Variants in SRBD1 observed in about 807,000 individuals in gnomAD.
SRBD1 encodes the protein S1 RNA-binding domain-containing protein 1.
SRBD1 carries 88 observed loss-of-function variants against 115.3 expected under a neutral mutation model. That is an observed-to-expected ratio of 0.76 (90% CI 0.64 to 0.91). The LOEUF (loss-of-function observed/expected upper bound fraction) is 0.91. Among genes scored for constraint, SRBD1 ranks in the 40% least tolerant of loss-of-function variants. The pLI is 0.00. For synonymous variants in SRBD1, 509 were observed against 407.7 expected (o/e 1.25, Z -2.99); for missense variants, 1,385 against 1,177.4 (o/e 1.18, Z -2.58).
chr2:45,522,832 A>G (rs1671327214), intron 14 of SRBD1, among the ~76,000 whole-genome samples: 1 of 152,220 alleles, frequency 6.6e-6, no homozygotes. Context: ...TACAAGACGT[A>G]TAACATACAG....
intron 16 of SRBD1, among the ~76,000 whole-genome samples, chr2:45,436,587 C>T (rs1229140941): frequency 3.3e-5 from 5 of 152,166 alleles, no homozygotes; most frequent in Non-Finnish European, 4.4e-5. Context: ...GGGAAGCAGG[C>T]ATGACTTACA....
intron 17 of SRBD1, among the ~76,000 whole-genome samples, chr2:45,419,414 A>G (rs1255437011): frequency 6.6e-6 from 1 of 152,214 alleles, no homozygotes; most frequent in Non-Finnish European, 1.5e-5. Context: ...CTCAGAATTT[A>G]TCTTTTGGTT....
At chr2:45,599,116 G>C (rs1225221620) in intron 4 of SRBD1, among the ~76,000 whole-genome samples, 2 of 152,128 alleles carry the variant, frequency 1.3e-5, no homozygotes, top group Non-Finnish European at 2.9e-5. Context: ...GCTTTTATAG[G>C]AAAATACAGT....
At chr2:45,441,122 T>C (rs1018404231) in intron 16 of SRBD1, among the ~76,000 whole-genome samples, 3 of 152,278 alleles carry the variant, frequency 2.0e-5, no homozygotes, top group African/African-American at 7.2e-5. Flanking sequence ...CAGTAAACCT[T>C]TCAAATTAGA....
chr2:45,556,448 CTTTTTTTTTTTTTTT>C (rs59284495), intron 10 of SRBD1, among the ~76,000 whole-genome samples: 11 of 78,822 alleles, frequency 1.4e-4, no homozygotes, highest in African/African-American at 5.9e-4. Context: ...TGCTCTATTA[CTTTTTTTTTTTTTTT>C]TTTTTTTTTT....
chr2:45,539,473 C>A (rs374946610), intron 14 of SRBD1, among the ~76,000 whole-genome samples: 2 of 152,212 alleles, frequency 1.3e-5, no homozygotes, highest in East Asian at 1.9e-4. Context: ...TTAGGTTAAA[C>A]CCTCAGTGTA....
chr2:45,559,061 G>C (rs947851069), intron 10 of SRBD1, among the ~76,000 whole-genome samples: 8 of 152,086 alleles, frequency 5.3e-5, no homozygotes, highest in South Asian at 2.1e-4. Context: ...CATTTAATCA[G>C]ATACCTTGTC....
chr2:45,501,885 A>C (rs1160131831), intron 14 of SRBD1, among the ~76,000 whole-genome samples: 4 of 152,188 alleles, frequency 2.6e-5, no homozygotes, highest in Admixed American at 2.6e-4. Flanking sequence ...CAAACAAAAG[A>C]CAGCAGAAAC....
At chr2:45,547,499 C>T (rs924238602) in intron 13 of SRBD1, 23 bp downstream of exon 13, 2 of 1,605,932 alleles carry the variant, frequency 1.2e-6, no homozygotes, top group African/African-American at 2.7e-5. Flanking sequence ...CTGATATATT[C>T]AAAAGATTAC....
intron 14 of SRBD1, among the ~76,000 whole-genome samples, chr2:45,519,974 C>G (rs1001477514): frequency 6.6e-6 from 1 of 152,184 alleles, no homozygotes; most frequent in African/African-American, 2.4e-5. Flanking sequence ...GATTCAAACT[C>G]AGGCAGATCA....
At chr2:45,495,781 A>G (rs1572701886) in intron 14 of SRBD1, among the ~76,000 whole-genome samples, 1 of 152,314 alleles carries the variant, frequency 6.6e-6, no homozygotes, top group East Asian at 1.9e-4. Flanking sequence ...ACAGTACTAT[A>G]AACATTCCAG....
At chr2:45,516,768 G>C (rs1388374346) in intron 14 of SRBD1, among the ~76,000 whole-genome samples, 1 of 152,138 alleles carries the variant, frequency 6.6e-6, no homozygotes, top group African/African-American at 2.4e-5. Context: ...TCACCATATA[G>C]ATGCTGTAAG....
chr2:45,490,528 G>A (rs1261380809), intron 14 of SRBD1, among the ~76,000 whole-genome samples: 1 of 152,090 alleles, frequency 6.6e-6, no homozygotes, highest in Non-Finnish European at 1.5e-5. Flanking sequence ...ATGAAGTACA[G>A]GCTAGACCTA....
At chr2:45,443,526 C>T (rs1359416325) in intron 16 of SRBD1, among the ~76,000 whole-genome samples, 1 of 152,008 alleles carries the variant, frequency 6.6e-6, no homozygotes, top group Non-Finnish European at 1.5e-5. Context: ...GCCTATTAGA[C>T]TTCCAAATTG....
intron 14 of SRBD1, among the ~76,000 whole-genome samples, chr2:45,491,657 A>G (rs1670295338): frequency 6.6e-6 from 1 of 152,192 alleles, no homozygotes. Flanking sequence ...AATTAAATTG[A>G]TAATTTAAGA....
intron 16 of SRBD1, among the ~76,000 whole-genome samples, chr2:45,444,384 T>C (rs750910850): frequency 6.6e-6 from 1 of 152,194 alleles, no homozygotes; most frequent in Non-Finnish European, 1.5e-5. Context: ...AATATCCACA[T>C]AACTTTAGTA....
At chr2:45,417,198 T>A (rs190537689) in intron 18 of SRBD1, among the ~76,000 whole-genome samples, 10 of 152,352 alleles carry the variant, frequency 6.6e-5, no homozygotes, top group Non-Finnish European at 1.2e-4. Context: ...CATGTTTTCT[T>A]CTGGTGCTTT....
At chr2:45,404,017 C>T (rs1344220393) in intron 19 of SRBD1, among the ~76,000 whole-genome samples, 1 of 151,960 alleles carries the variant, frequency 6.6e-6, no homozygotes, top group East Asian at 1.9e-4. Context: ...AGGAGCCTCC[C>T]AAAGTAGGAA....
chr2:45,539,097 G>A (rs1671853124), intron 14 of SRBD1, among the ~76,000 whole-genome samples: 1 of 151,746 alleles, frequency 6.6e-6, no homozygotes, highest in Non-Finnish European at 1.5e-5. Flanking sequence ...TCGGAAAATA[G>A]CAAATTTTAC....
Sources: gnomAD v4.1 joint callset for allele counts (sites outside exome capture counted in the v4.1 genomes callset) on GRCh38, gnomAD v4.1.1 for gene constraint, MANE v1.5 for transcripts, NCBI Gene and HGNC (gene_info 2026-07-23, HGNC 2026-07-21) for gene names.